Variants in TRIO observed in about 807,000 individuals in gnomAD.
The protein encoded by TRIO is trio Rho guanine nucleotide exchange factor.
TRIO carries 58 observed loss-of-function variants against 351.9 expected under a neutral mutation model. The ratio of observed to expected loss-of-function variants is 0.16; its 90% CI spans 0.13 to 0.21. TRIO has a LOEUF of 0.21. Ranked by LOEUF, TRIO falls within the 10% of genes least tolerant of loss-of-function variation. The pLI, the probability that TRIO is intolerant of heterozygous loss-of-function variation, is 1.00. For missense variants in TRIO, 3,201 were observed against 4,027.8 expected, an observed-to-expected ratio of 0.79 and a Z score of 5.56; for synonymous variants, 1,758 against 1,595.7, an observed-to-expected ratio of 1.10 and a Z score of -2.42.
chr5:14,359,592 C>T (rs894168627), intron 13 of TRIO, 61 bp downstream of exon 13: 2 of 1,575,126 alleles, frequency 1.3e-6, no homozygotes, highest in Non-Finnish European at 1.7e-6. Context: ...CTCCACAGCA[C>T]CGGCGCCCTC....
chr5:14,354,393 G>A (rs1313968102), intron 11 of TRIO, among the ~76,000 whole-genome samples: 4 of 152,242 alleles, frequency 2.6e-5, no homozygotes, highest in Admixed American at 2.6e-4. Flanking sequence ...CTAAAGGGGA[G>A]TGCAGCTACA....
At chr5:14,371,644 T>C (rs412800) in intron 18 of TRIO, among the ~76,000 whole-genome samples, 120,732 of 146,108 alleles carry the variant, frequency 0.83, 49,314 homozygotes, top group African/African-American at 0.87. Context: ...CTGTAAATGT[T>C]TTTTTTTTTT....
At position 14,297,149 on chromosome 5, in the gene TRIO, G is replaced by C. The variant is rs761601976; in HGVS notation, c.1254G>C (p.Gln418His). The change falls in exon 7 of 57, where the codon CAG (glutamine) becomes CAC (histidine). Residue 418 changes from glutamine (Q) to histidine (H), a missense_variant. Physicochemically the swap from Gln to His is conservative, Grantham distance 24 (BLOSUM62 0). Coordinates refer to ENST00000344204, the MANE Select transcript of TRIO (RefSeq NM_007118.4). The stretch of plus-strand genomic sequence containing the variant: ...AGTCTGGCCACTATGCCTCGCAGCA[G>C]ATCAGGCAGATCGCGAGTCAGCTGG... The part of the protein sequence containing the change: ...LVESGHYASQ[Q>H]IRQIASQLEQ... 2 of 1,614,204 alleles carry C rather than the reference G, an allele frequency of 1.2e-6. No homozygotes were observed. The highest frequency in any genetic ancestry group is 3.3e-5 in the Admixed American group (2 of 60,030).
At chr5:14,388,897 A>T (rs1053071669) in intron 24 of TRIO, among the ~76,000 whole-genome samples, 2 of 152,106 alleles carry the variant, frequency 1.3e-5, no homozygotes, top group Non-Finnish European at 2.9e-5. Context: ...TACAGCATTA[A>T]TCCTCTCATT....
chr5:14,472,685 T>A, intron 39 of TRIO, 27 bp downstream of exon 39: 4 of 1,611,660 alleles, frequency 2.5e-6, no homozygotes, highest in Non-Finnish European at 3.4e-6. Flanking sequence ...ATTTAGTATC[T>A]TCGTATCAGT....
chr5:14,277,534 C>T (rs1735640695), intron 2 of TRIO, among the ~76,000 whole-genome samples: 1 of 152,192 alleles, frequency 6.6e-6, no homozygotes, highest in South Asian at 2.1e-4. Context: ...TGACATCTGT[C>T]CCGCCTGCCT....
At chr5:14,336,476 C>T in intron 10 of TRIO, 60 bp from the exon 11 acceptor site, 1 of 1,573,050 alleles carries the variant, frequency 6.4e-7, no homozygotes, top group Admixed American at 1.7e-5. Context: ...TTATGGCGCC[C>T]AGCCTGGCTG....
intron 1 of TRIO, among the ~76,000 whole-genome samples, chr5:14,157,325 G>A (rs1035757638): frequency 1.3e-5 from 2 of 152,084 alleles, no homozygotes; most frequent in African/African-American, 2.4e-5. Flanking sequence ...ATCATGGAAC[G>A]GTGGGTGAGA....
intron 34 of TRIO, among the ~76,000 whole-genome samples, chr5:14,438,128 C>T (rs1751742859): frequency 1.3e-5 from 2 of 152,222 alleles, no homozygotes; most frequent in Admixed American, 6.5e-5. Context: ...TAAATTTCTA[C>T]ATTACACGTG....
chr5:14,429,100 G>A (rs999360911), intron 34 of TRIO, among the ~76,000 whole-genome samples: 3 of 152,216 alleles, frequency 2.0e-5, no homozygotes, highest in African/African-American at 4.8e-5. Flanking sequence ...TGATGTGTTG[G>A]GTAAGAGATG....
Position 14,507,119 on chromosome 5 carries a change from T to C in TRIO, c.8613-3T>C, listed in dbSNP as rs2126719461. 1 of 1,589,602 alleles carries C rather than the reference T, an allele frequency of 6.3e-7. No homozygotes were observed. The highest frequency in any genetic ancestry group is 8.5e-7 in the Non-Finnish European group (1 of 1,170,396). On this transcript the variant is annotated splice_region_variant and splice_polypyrimidine_tract_variant and intron_variant, in intron 55 of 56. Transcript: ENST00000344204. ...TAACAGTCACCCGCTCCTGCCTCTT[T>C]AGGGCTGACCAGGGTCGCCTCCTGG...
At position 14,257,945 on chromosome 5, in the gene TRIO, T is replaced by C. The variant is rs1054857256; in HGVS notation, c.158-12880T>C. On this transcript the variant is annotated intron_variant, in intron 1 of 56. Transcript: ENST00000344204. ...ACTGTTACAACTGCTACTGTTAGCA[T>C]TTGTTAGTGAGTTCTGTGAGCTGTG... Among the ~76,000 whole-genome samples the C allele has an allele frequency of 3.3e-5, 5 of 152,228 alleles. No individual in the cohort carries two copies. In the South Asian group the frequency reaches 1.0e-3, roughly 31 times the overall value.
intron 54 of TRIO, among the ~76,000 whole-genome samples, chr5:14,503,065 T>C (rs1265938025): frequency 6.6e-6 from 1 of 152,240 alleles, no homozygotes. Context: ...ATGCACAAAC[T>C]AAGAGAGAGG....
chr5:14,350,561 T>C (rs1742979632), intron 11 of TRIO, among the ~76,000 whole-genome samples: 1 of 152,142 alleles, frequency 6.6e-6, no homozygotes, highest in Non-Finnish European at 1.5e-5. Flanking sequence ...CCCTGTGCCT[T>C]ATCTGTACTC....
In TRIO at chr5:14,487,883, A is replaced by G. The variant is rs1756085423; in HGVS notation, c.7255A>G (p.Arg2419Gly). The G allele has an allele frequency of 1.3e-6, 2 of 1,540,518 alleles. No individual in the cohort carries two copies. Among genetic ancestry groups the G allele is most frequent in the Non-Finnish European group, 1.7e-6 (2 of 1,143,196 alleles). ...CAAGATGAAGGTGCTGGAGAGCCCC[A>G]GGAAAGGCGCCGCGAACGCCTCGGG... ...IPKMKVLESP[R>G]KGAANASGSS... is the part of the protein sequence containing the mutation. Residue 2419 changes from arginine (R) to glycine (G), a missense_variant, in exon 48 of 57, where the codon AGG (arginine) becomes GGG (glycine). By Grantham distance (125) the Arg-to-Gly change is moderately radical. Around this residue, in one of 19 missense-constraint regions of TRIO, gnomAD observed 1,089 missense variants for 954.9 expected, o/e 1.14. Transcript: ENST00000344204.
chr5:14,484,919 G>A (rs1439396764), intron 46 of TRIO, 150 bp from the exon 47 acceptor site: 12 of 673,616 alleles, frequency 1.8e-5, no homozygotes, highest in African/African-American at 9.1e-5. Flanking sequence ...CATCCATGTC[G>A]TATTGTGTGT....
chr5:14,300,077 T>A (rs539890059), intron 7 of TRIO, among the ~76,000 whole-genome samples: 77 of 152,360 alleles, frequency 5.1e-4, no homozygotes, highest in African/African-American at 1.8e-3. Flanking sequence ...AGTATCCGTT[T>A]GCAAATATGT....
chr5:14,314,412 C>G (rs1381290701), intron 8 of TRIO, among the ~76,000 whole-genome samples: 2 of 152,066 alleles, frequency 1.3e-5, no homozygotes, highest in Non-Finnish European at 2.9e-5. Flanking sequence ...GTGAATATAG[C>G]AACTACAACT....
At position 14,500,148 on chromosome 5, in the gene TRIO, C is replaced by T. The variant is rs528460485; in HGVS notation, c.8332+1508C>T. ...CTTCTATCACACAAATTCAGCTGCA[C>T]CCCTAAAGGTCTTCAGAAGAATTAT... is the stretch of plus-strand genomic sequence containing the variant. On this transcript the variant is annotated intron_variant, in intron 53 of 56. Coordinates refer to ENST00000344204, the MANE Select transcript of TRIO (RefSeq NM_007118.4). Among the ~76,000 whole-genome samples the T allele has an allele frequency of 3.9e-5, 6 of 152,140 alleles. No homozygotes were observed. In the South Asian group the frequency reaches 1.2e-3, roughly 32 times the overall value.
Sources: gnomAD v4.1 joint callset for allele counts (sites outside exome capture counted in the v4.1 genomes callset) on GRCh38, gnomAD v4.1.1 for gene constraint, gnomAD v4.1.1 regional missense constraint, MANE v1.5 for transcripts, NCBI Gene and HGNC (gene_info 2026-07-23, HGNC 2026-07-21) for gene names.